ZNF678: variants seen among roughly 807,000 people sequenced by gnomAD.
ZNF678 encodes the protein zinc finger protein 678.
Under a neutral mutation model 3.0 loss-of-function variants are expected in ZNF678, and 5 were observed. That is an observed-to-expected ratio of 1.69 (90% CI 0.88 to 3.56). The LOEUF (loss-of-function observed/expected upper bound fraction) is 3.56. Among genes scored for constraint, ZNF678 ranks in the 30% most tolerant of loss-of-function variants. The pLI is 0.00. For synonymous variants in ZNF678, 218 were observed against 199.6 expected (o/e 1.09, Z -0.78); for missense variants, 593 against 605.0 (o/e 0.98, Z 0.21).
chr1:227,616,584 A>G (rs1417577535), intron 1 of ZNF678, among the ~76,000 whole-genome samples: 2 of 152,206 alleles, frequency 1.3e-5, no homozygotes, highest in African/African-American at 2.4e-5. Flanking sequence ...CTAAGGTGAA[A>G]GGTGTTTTTG....
chr1:227,645,513 A>G (rs1416295682), intron 1 of ZNF678, among the ~76,000 whole-genome samples: 1 of 152,200 alleles, frequency 6.6e-6, no homozygotes, highest in East Asian at 1.9e-4. Flanking sequence ...TCAATGTTTT[A>G]TATCCATTCA....
chr1:227,637,893 A>G (rs1222894897), intron 1 of ZNF678, among the ~76,000 whole-genome samples: 1 of 152,192 alleles, frequency 6.6e-6, no homozygotes, highest in East Asian at 1.9e-4. Context: ...AGGCCTAGAT[A>G]GGTGACTGAG....
At chr1:227,670,967 A>ATTTT (rs139606967) in intron 5 of ZNF678, among the ~76,000 whole-genome samples, 2 of 128,316 alleles carry the variant, frequency 1.6e-5, no homozygotes, top group Admixed American at 7.8e-5. Context: ...GAGGCCTTTT[A>ATTTT]TTTTTTTTTT....
Position 227,575,383 on chromosome 1 carries a change from A to G in ZNF678, c.-164+11659A>G, listed in dbSNP as rs1165018765. On this transcript the variant is annotated intron_variant, in intron 1 of 3. Transcript: ENST00000343776. ...GATTTTTTTTCTATCTTAAGCATGG[A>G]ATGTTTTTCCGTTTGTTTGTGTTGT... 2.0e-5 allele frequency among the ~76,000 whole-genome samples: 3 copies of G among 152,014 alleles called. No homozygotes were observed. In the East Asian group the frequency reaches 5.8e-4, roughly 29 times the overall value.
chr1:227,665,904 C>G (rs75655225), downstream of ZNF678, among the ~76,000 whole-genome samples: 1,323 of 152,250 alleles, frequency 8.7e-3, 18 homozygotes, highest in African/African-American at 0.03. Context: ...TTTGTAGCTA[C>G]CCTATCCTGT....
Position 227,583,319 on chromosome 1 carries a change from C to G in ZNF678, c.-164+19595C>G, listed in dbSNP as rs183421369. 1.1e-4 allele frequency among the ~76,000 whole-genome samples: 16 copies of G among 151,494 alleles called. No individual in the cohort carries two copies. In the East Asian group the frequency reaches 2.7e-3, roughly 26 times the overall value. On this transcript the variant is annotated intron_variant, in intron 1 of 3. Transcript: ENST00000343776. Reference sequence around the variant, plus strand: ...ATAACTTTGCAACAATTCAATAAGTCCATTTTAGAAAATTTCTTTTTTTTT... The same window carrying G: ...ATAACTTTGCAACAATTCAATAAGTGCATTTTAGAAAATTTCTTTTTTTTT...
chr1:227,619,616 A>G (rs553717755), intron 1 of ZNF678, among the ~76,000 whole-genome samples: 42 of 151,920 alleles, frequency 2.8e-4, no homozygotes, highest in African/African-American at 9.7e-4. Context: ...GGTTCACGCC[A>G]TTCTCCTGCC....
In ZNF678 at chr1:227,565,457, A is replaced by G. The variant is rs113618449; in HGVS notation, c.-164+1733A>G. On this transcript the variant is annotated intron_variant, in intron 1 of 3. Transcript: ENST00000343776. ...CTGAAGCCTCCAACTCCTGGACTCA[A>G]GTGATTTTTCTGCCTCAGCCTCCTG... 2.0e-3 allele frequency among the ~76,000 whole-genome samples: 304 copies of G among 152,238 alleles called. 2 individuals carry two copies. The highest frequency in any genetic ancestry group is 6.8e-3 in the African/African-American group (284 of 41,520).
At position 227,661,388 on chromosome 1, in the gene ZNF678, C is replaced by T. The variant is rs890832057; in HGVS notation, c.*5560C>T. ...AGACCAGGCAAAAGAAATGTCAAGC[C>T]GCATTTACAAATGCAAAAATGGACT... On this transcript the variant is annotated 3_prime_UTR_variant, in exon 4 of 4. Transcript: ENST00000343776. 4.0e-5 allele frequency: 6 copies of T among 151,894 alleles called. No homozygotes were observed. The highest frequency in any genetic ancestry group is 2.1e-4 in the South Asian group (1 of 4,820). The allele number at this position is 151,894 out of a possible 1,614,324, so 9.4% of individuals were successfully genotyped here.
chr1:227,671,428 A>T (rs902098290), intron 5 of ZNF678, among the ~76,000 whole-genome samples: 40 of 152,102 alleles, frequency 2.6e-4, no homozygotes, highest in African/African-American at 8.9e-4. Context: ...ATCCATGCAC[A>T]TATTGGTGTG....
At chr1:227,590,776 G>A (rs1571869881) in intron 1 of ZNF678, among the ~76,000 whole-genome samples, 2 of 151,700 alleles carry the variant, frequency 1.3e-5, no homozygotes, top group Non-Finnish European at 2.9e-5. Context: ...CAGTCCCAGT[G>A]GAATTCTGGG....
At chr1:227,577,704 G>A (rs1458765965) in intron 1 of ZNF678, among the ~76,000 whole-genome samples, 1 of 152,126 alleles carries the variant, frequency 6.6e-6, no homozygotes, top group Non-Finnish European at 1.5e-5. Flanking sequence ...GACATTCTGT[G>A]TCTTTTTATT....
At chr1:227,669,004 A>G (rs57346808) in intron 5 of ZNF678, among the ~76,000 whole-genome samples, 31,604 of 151,976 alleles carry the variant, frequency 0.21, 3,423 homozygotes, top group East Asian at 0.25. Context: ...GACTTTGGCA[A>G]GGAATTTAAG....
At chr1:227,635,160 A>G (rs1224347886) in intron 1 of ZNF678, among the ~76,000 whole-genome samples, 1 of 152,162 alleles carries the variant, frequency 6.6e-6, no homozygotes, top group African/African-American at 2.4e-5. Flanking sequence ...CTTTTTATAA[A>G]CCACTTAATT....
intron 1 of ZNF678, among the ~76,000 whole-genome samples, chr1:227,628,847 A>G (rs1454384447): frequency 3.3e-5 from 5 of 152,366 alleles, no homozygotes; most frequent in South Asian, 4.1e-4. Context: ...GGCTATCCCA[A>G]CAGTCCAGGT....
At chr1:227,573,010 C>T (rs1472713968) in intron 1 of ZNF678, among the ~76,000 whole-genome samples, 1 of 152,188 alleles carries the variant, frequency 6.6e-6, no homozygotes, top group Non-Finnish European at 1.5e-5. Context: ...CTACAGCTAG[C>T]GCTGGATGGA....
At chr1:227,580,534 T>C (rs965166218) in intron 1 of ZNF678, among the ~76,000 whole-genome samples, 1 of 152,208 alleles carries the variant, frequency 6.6e-6, no homozygotes, top group East Asian at 1.9e-4. Context: ...AAGGGCTTCC[T>C]TGAGTCTCTA....
rs554728019 is a variant in ZNF678, at chr1:227,574,941, T to A, written c.-164+11217T>A. Among the ~76,000 whole-genome samples the A allele has an allele frequency of 3.5e-5, 5 of 142,474 alleles. No individual in the cohort carries two copies. In the East Asian group the frequency reaches 9.8e-4, roughly 28 times the overall value. The allele number at this position is 142,474 out of a possible 152,430, so 93.5% of individuals were successfully genotyped here. A position where few individuals can be genotyped will look rare whatever the true frequency, so the allele number is the denominator to read the frequency against. Reference sequence around the variant, plus strand: ...AATCTTTTCCCCATTGCTTATGGGGTTTTTTGTTGTTGTTGTTGTTGTGAT... The same window carrying A: ...AATCTTTTCCCCATTGCTTATGGGGATTTTTGTTGTTGTTGTTGTTGTGAT... On this transcript the variant is annotated intron_variant, in intron 1 of 3. Coordinates refer to ENST00000343776, the MANE Select transcript of ZNF678 (RefSeq NM_001367909.1).
At chr1:227,576,489 G>T (rs1250409745) in intron 1 of ZNF678, among the ~76,000 whole-genome samples, 1 of 152,078 alleles carries the variant, frequency 6.6e-6, no homozygotes, top group Non-Finnish European at 1.5e-5. Flanking sequence ...GTGTGTCCAG[G>T]AATGTATCCA....
Sources: gnomAD v4.1 joint callset for allele counts (sites outside exome capture counted in the v4.1 genomes callset) on GRCh38, gnomAD v4.1.1 for gene constraint, MANE v1.5 for transcripts, NCBI Gene and HGNC (gene_info 2026-07-23, HGNC 2026-07-21) for gene names.